DIP2B: variants seen among roughly 807,000 people sequenced by gnomAD.
DIP2B encodes the protein disco-interacting protein 2 homolog B.
A neutral mutation model predicts 198.0 loss-of-function variants in DIP2B; 76 were observed. The ratio of observed to expected loss-of-function variants is 0.38; its 90% CI spans 0.32 to 0.46. The LOEUF (loss-of-function observed/expected upper bound fraction) is 0.46. Among genes scored for constraint, DIP2B ranks in the 20% least tolerant of loss-of-function variants. The pLI is 0.99. For synonymous variants in DIP2B, 701 were observed against 739.1 expected (o/e 0.95, Z 0.84); for missense variants, 1,559 against 1,978.4 (o/e 0.79, Z 4.02).
At chr12:50,705,683 C>T (rs775901724) in intron 20 of DIP2B, among the ~76,000 whole-genome samples, 2 of 152,228 alleles carry the variant, frequency 1.3e-5, no homozygotes, top group African/African-American at 2.4e-5. Flanking sequence ...CATTCTCTTA[C>T]CAACACTGTG....
At chr12:50,573,350 T>A (rs1958631842) in intron 1 of DIP2B, among the ~76,000 whole-genome samples, 1 of 152,184 alleles carries the variant, frequency 6.6e-6, no homozygotes, top group South Asian at 2.1e-4. Flanking sequence ...TTGCTTACAG[T>A]TTAGTAGCGC....
At chr12:50,591,442 A>T (rs1485543214) in intron 1 of DIP2B, among the ~76,000 whole-genome samples, 2 of 151,048 alleles carry the variant, frequency 1.3e-5, no homozygotes, top group Admixed American at 6.6e-5. Context: ...ATGCATGATA[A>T]TTTTTTTTAA....
intron 1 of DIP2B, among the ~76,000 whole-genome samples, chr12:50,591,861 T>C (rs1367558531): frequency 1.3e-5 from 2 of 151,530 alleles, no homozygotes; most frequent in African/African-American, 2.4e-5. Flanking sequence ...TTATTAACTT[T>C]TATTTCTTTA....
chr12:50,556,300 A>C (rs1958470404), intron 1 of DIP2B, among the ~76,000 whole-genome samples: 1 of 152,078 alleles, frequency 6.6e-6, no homozygotes, highest in African/African-American at 2.4e-5. Context: ...TGTCCATCTC[A>C]GCCTCCCAAA....
chr12:50,677,333 A>G (rs1395533943), intron 7 of DIP2B, among the ~76,000 whole-genome samples: 1 of 152,148 alleles, frequency 6.6e-6, no homozygotes, highest in Non-Finnish European at 1.5e-5. Context: ...ATGAAAATGT[A>G]GCATTTGGCC....
intron 1 of DIP2B, among the ~76,000 whole-genome samples, chr12:50,573,455 A>G (rs1958632835): frequency 6.6e-6 from 1 of 151,926 alleles, no homozygotes; most frequent in Non-Finnish European, 1.5e-5. Flanking sequence ...CAGTGTAGAT[A>G]CAGACCCATT....
intron 23 of DIP2B, among the ~76,000 whole-genome samples, chr12:50,716,958 CTTTTTTTTTT>C (rs4026694): frequency 1.0e-4 from 6 of 58,922 alleles, no homozygotes; most frequent in Non-Finnish European, 3.0e-5. Flanking sequence ...CGAATTGTTG[CTTTTTTTTTT>C]TTTTTTTTTT....
In DIP2B at chr12:50,744,690, G is replaced by A; in HGVS notation, c.4582G>A (p.Glu1528Lys). The A allele has an allele frequency of 6.2e-7, 1 of 1,614,196 alleles. No homozygotes were observed. Among genetic ancestry groups the A allele is most frequent in the South Asian group, 1.1e-5 (1 of 91,082 alleles). The change falls in exon 38 of 38, where the codon GAA (glutamate) becomes AAA (lysine). Residue 1528 changes from glutamate to lysine, a missense_variant. Physicochemically the swap from Glu to Lys is moderately conservative, Grantham distance 56. Transcript: ENST00000301180. ...LVPLVTNVVL[E>K]EHYLIVGVVV... ...CCCATTAGTGACCAACGTGGTCCTGGAAGAGCATTACCTCATCGTTGGCGT... is the reference window on the plus strand; with the variant it reads ...CCCATTAGTGACCAACGTGGTCCTGAAAGAGCATTACCTCATCGTTGGCGT...
chr12:50,604,536 C>T (rs1277220760), intron 1 of DIP2B, among the ~76,000 whole-genome samples: 2 of 152,170 alleles, frequency 1.3e-5, no homozygotes, highest in African/African-American at 2.4e-5. Flanking sequence ...TGGCTCACTA[C>T]AGCCTTGACC....
At chr12:50,584,478 T>G (rs1229677965) in intron 1 of DIP2B, among the ~76,000 whole-genome samples, 1 of 152,216 alleles carries the variant, frequency 6.6e-6, no homozygotes, top group Non-Finnish European at 1.5e-5. Context: ...TCCTGATTGG[T>G]TTCTGTGCTT....
intron 22 of DIP2B, among the ~76,000 whole-genome samples, chr12:50,712,476 C>T (rs1433335061): frequency 6.6e-6 from 1 of 151,918 alleles, no homozygotes; most frequent in Admixed American, 6.6e-5. Flanking sequence ...TGGTGGCACA[C>T]ACCTGTAATC....
intron 23 of DIP2B, 52 bp downstream of exon 23, chr12:50,714,648 T>C (rs1480936444): frequency 6.2e-7 from 1 of 1,600,590 alleles, no homozygotes; most frequent in South Asian, 1.1e-5. Context: ...TTCAAGAAGC[T>C]GGGTTCTCTC....
chr12:50,509,908 T>C (rs1958000002), intron 1 of DIP2B, among the ~76,000 whole-genome samples: 1 of 152,208 alleles, frequency 6.6e-6, no homozygotes, highest in Non-Finnish European at 1.5e-5. Flanking sequence ...AGCAGGAATG[T>C]AGATTTTTAA....
At chr12:50,662,129 A>G (rs550691064) in intron 4 of DIP2B, among the ~76,000 whole-genome samples, 1 of 152,342 alleles carries the variant, frequency 6.6e-6, no homozygotes, top group African/African-American at 2.4e-5. Flanking sequence ...TCTTGATCAT[A>G]TTATATGTTT....
intron 22 of DIP2B, among the ~76,000 whole-genome samples, chr12:50,713,457 A>C (rs1334837431): frequency 6.6e-6 from 1 of 152,250 alleles, no homozygotes; most frequent in African/African-American, 2.4e-5. Context: ...ACATTATGTG[A>C]AAACAACAAG....
At chr12:50,739,712 C>T in intron 36 of DIP2B, 126 bp downstream of exon 36, 2 of 1,138,956 alleles carry the variant, frequency 1.8e-6, no homozygotes, top group Non-Finnish European at 2.5e-6. Flanking sequence ...CTCTTAAACC[C>T]ATAAGTGACT....
At chr12:50,696,656 G>C (rs545002229) in intron 16 of DIP2B, among the ~76,000 whole-genome samples, 2 of 152,150 alleles carry the variant, frequency 1.3e-5, no homozygotes, top group Non-Finnish European at 2.9e-5. Flanking sequence ...TTAAAACACA[G>C]ACATGGGCTT....
intron 2 of DIP2B, among the ~76,000 whole-genome samples, chr12:50,630,985 A>T (rs2139476084): frequency 6.6e-6 from 1 of 151,776 alleles, no homozygotes; most frequent in South Asian, 2.1e-4. Flanking sequence ...ACCACTTCTT[A>T]TCTTACATTT....
intron 1 of DIP2B, among the ~76,000 whole-genome samples, chr12:50,509,042 C>G (rs1398292686): frequency 6.6e-6 from 1 of 152,146 alleles, no homozygotes; most frequent in Non-Finnish European, 1.5e-5. Flanking sequence ...TCTCTGAAAT[C>G]TCTTTCAAAT....
Sources: gnomAD v4.1 joint callset for allele counts (sites outside exome capture counted in the v4.1 genomes callset) on GRCh38, gnomAD v4.1.1 for gene constraint, MANE v1.5 for transcripts, NCBI Gene and HGNC (gene_info 2026-07-23, HGNC 2026-07-21) for gene names.